Variants in MECOM observed in about 807,000 individuals in gnomAD.
MECOM encodes the protein histone-lysine N-methyltransferase MECOM.
MECOM carries 13 observed loss-of-function variants against 116.3 expected under a neutral mutation model. The observed-to-expected ratio is 0.11, with a 90% CI of 0.07 to 0.18. MECOM has a LOEUF of 0.18. Among genes scored for constraint, MECOM ranks in the 10% least tolerant of loss-of-function variants. MECOM has a pLI of 1.00. For missense variants in MECOM, 1,299 were observed against 1,509.0 expected, an observed-to-expected ratio of 0.86 and a Z score of 2.31; for synonymous variants, 528 against 535.2, an observed-to-expected ratio of 0.99 and a Z score of 0.19.
intron 1 of MECOM, among the ~76,000 whole-genome samples, chr3:169,412,402 T>C (rs892599105): frequency 3.3e-5 from 5 of 152,132 alleles, no homozygotes; most frequent in Non-Finnish European, 7.4e-5. Context: ...TGAAAATCCA[T>C]GCTGTTTTCC....
chr3:169,344,802 C>A (rs1246111034), intron 2 of MECOM, among the ~76,000 whole-genome samples: 1 of 152,150 alleles, frequency 6.6e-6, no homozygotes, highest in African/African-American at 2.4e-5. Context: ...ATGGGGGCAA[C>A]CAGATCTTTG....
intron 2 of MECOM, among the ~76,000 whole-genome samples, chr3:169,259,514 G>A (rs1160585377): frequency 2.0e-5 from 3 of 152,056 alleles, no homozygotes; most frequent in Non-Finnish European, 4.4e-5. Flanking sequence ...CTTCAGCCCA[G>A]GTGTTTGAGA....
chr3:169,145,220 A>T (rs1168915544), intron 2 of MECOM: 5 of 551,072 alleles, frequency 9.1e-6, no homozygotes, highest in Non-Finnish European at 1.6e-5. Context: ...TTTTTCAAGG[A>T]TGCCTCTTCA....
chr3:169,318,816 G>T (rs7648298), intron 2 of MECOM, among the ~76,000 whole-genome samples: 1 of 152,198 alleles, frequency 6.6e-6, no homozygotes, highest in African/African-American at 2.4e-5. Flanking sequence ...GACACATGCA[G>T]GGCTGGGCAC....
At chr3:169,472,894 C>G in intron 1 of MECOM, 1 of 827,372 alleles carries the variant, frequency 1.2e-6, no homozygotes, top group Non-Finnish European at 1.5e-6. Flanking sequence ...TGTGGTAAGA[C>G]AAATATGTCA....
At chr3:169,231,519 T>C (rs1753388750) in intron 2 of MECOM, among the ~76,000 whole-genome samples, 1 of 152,024 alleles carries the variant, frequency 6.6e-6, no homozygotes, top group Non-Finnish European at 1.5e-5. Context: ...GAAAAAGAAG[T>C]AGGAAACTTC....
At chr3:169,504,193 T>TGTGTGTGTA (rs1754922335) in intron 1 of MECOM, among the ~76,000 whole-genome samples, 1 of 60,910 alleles carries the variant, frequency 1.6e-5, no homozygotes, top group Admixed American at 2.2e-4. Context: ...GTGTGTGTGT[T>TGTGTGTGTA]TAAATTAAAT....
At position 169,116,120 on chromosome 3, in the gene MECOM, A is replaced by T. The variant is rs370623787; in HGVS notation, c.1752T>A (p.Asp584Glu). The change falls in exon 8 of 17, where the codon GAT (aspartate) becomes GAA (glutamate). Residue 584 changes from aspartate to glutamate, a missense_variant. Physicochemically the swap from Asp to Glu is conservative, Grantham distance 45. Around this residue, in one of 6 missense-constraint regions of MECOM, gnomAD observed 238 missense variants for 273.1 expected, o/e 0.87. Transcript: ENST00000651503. ...GGTCACTGCCACTTGGTGTACTGAC[A>T]TCATCAAGGTCACTACTCTCTGACT... ...SDQSESSDLD[D>E]VSTPSGSDLE... 3.7e-6 allele frequency: 6 copies of T among 1,614,076 alleles called. No individual in the cohort carries two copies. In the African/African-American group the frequency reaches 8.0e-5, roughly 22 times the overall value.
At chr3:169,279,617 T>A (rs1327156029) in intron 2 of MECOM, among the ~76,000 whole-genome samples, 2 of 152,204 alleles carry the variant, frequency 1.3e-5, no homozygotes, top group Admixed American at 1.3e-4. Flanking sequence ...TTTGTGCATG[T>A]ATGTGGCTTT....
At chr3:169,118,284 T>C (rs1029658347) in intron 7 of MECOM, among the ~76,000 whole-genome samples, 1 of 152,136 alleles carries the variant, frequency 6.6e-6, no homozygotes, top group Non-Finnish European at 1.5e-5. Context: ...ATATTAAAGG[T>C]GCCTTCAATT....
chr3:169,548,274 GA>G (rs1219749234), intron 1 of MECOM, among the ~76,000 whole-genome samples: 1 of 152,106 alleles, frequency 6.6e-6, no homozygotes, highest in African/African-American at 2.4e-5. Flanking sequence ...TTTATTTTTA[GA>G]ATGCCACCTT....
intron 1 of MECOM, among the ~76,000 whole-genome samples, chr3:169,604,348 T>A (rs1768237841): frequency 6.6e-6 from 1 of 151,474 alleles, no homozygotes; most frequent in African/African-American, 2.4e-5. Context: ...AGGAGTACAA[T>A]TTGAAAACCA....
intron 2 of MECOM, among the ~76,000 whole-genome samples, chr3:169,365,991 A>G (rs1729092969): frequency 6.6e-6 from 1 of 151,958 alleles, no homozygotes; most frequent in East Asian, 1.9e-4. Context: ...ATGGAGAGAG[A>G]GGACTGGAAA....
intron 1 of MECOM, among the ~76,000 whole-genome samples, chr3:169,419,997 CAT>C (rs1417966000): frequency 6.6e-6 from 1 of 152,138 alleles, no homozygotes; most frequent in Non-Finnish European, 1.5e-5. Context: ...AGCCAACAAA[CAT>C]ATGAATAAAA....
At chr3:169,366,530 A>T (rs1729191269) in intron 2 of MECOM, among the ~76,000 whole-genome samples, 1 of 152,016 alleles carries the variant, frequency 6.6e-6, no homozygotes, top group African/African-American at 2.4e-5. Context: ...TTCATTAGTC[A>T]GAGTCTTTCC....
chr3:169,494,325 C>A (rs1753553181), intron 1 of MECOM, among the ~76,000 whole-genome samples: 1 of 151,998 alleles, frequency 6.6e-6, no homozygotes, highest in Admixed American at 6.6e-5. Flanking sequence ...GTTCACACTG[C>A]CCAGTTCTTC....
chr3:169,269,216 ATGGAGAC>A (rs1316075894), intron 2 of MECOM: 1 of 152,360 alleles, frequency 6.6e-6, no homozygotes, highest in Admixed American at 6.6e-5. Flanking sequence ...ACACTGAGGC[ATGGAGAC>A]TTTTTTGAAT....
intron 1 of MECOM, among the ~76,000 whole-genome samples, chr3:169,545,877 G>A (rs1194371125): frequency 1.3e-5 from 2 of 151,992 alleles, no homozygotes; most frequent in Admixed American, 6.5e-5. Flanking sequence ...GTGACTTCTC[G>A]CTTCTCTTCC....
intron 2 of MECOM, among the ~76,000 whole-genome samples, chr3:169,299,417 A>C (rs1716288380): frequency 1.3e-5 from 2 of 152,180 alleles, no homozygotes; most frequent in Admixed American, 1.3e-4. Flanking sequence ...CCAGGATCAA[A>C]ATGTTCTTGG....
Sources: allele counts gnomAD v4.1 joint callset (sites outside exome capture counted in the v4.1 genomes callset), GRCh38; gene constraint gnomAD v4.1.1; regional missense constraint gnomAD v4.1.1; transcripts MANE v1.5; gene names NCBI Gene and HGNC (gene_info 2026-07-23, HGNC 2026-07-21).